The following CFAP97D2 variants were observed in gnomAD, a reference collection of about 807,000 sequenced individuals.
CFAP97D2 encodes uncharacterized protein CFAP97D2.
intron 1 of CFAP97D2, among the ~76,000 whole-genome samples, chr13:114,191,878 A>G (rs1346376166): frequency 1.3e-5 from 2 of 152,206 alleles, no homozygotes; most frequent in Non-Finnish European, 2.9e-5. Context: ...CACCCAGACA[A>G]TGGAATATCA....
intron 1 of CFAP97D2, among the ~76,000 whole-genome samples, chr13:114,194,862 A>G (rs2080880431): frequency 6.6e-6 from 1 of 152,194 alleles, no homozygotes; most frequent in African/African-American, 2.4e-5. Flanking sequence ...ATGTTCTCAA[A>G]TCTTTATCTG....
intron 4 of CFAP97D2, among the ~76,000 whole-genome samples, chr13:114,221,198 C>G (rs9590481): frequency 0.2 from 30,615 of 152,172 alleles, 4,000 homozygotes; most frequent in African/African-American, 0.37. Flanking sequence ...AGTGAGCCGA[C>G]ATCGCGCCAC....
rs1022808172 is a variant in CFAP97D2 at position 114,186,390 on chromosome 13, C to T, written c.90+6970C>T. On this transcript the variant is annotated intron_variant, in intron 1 of 4. Transcript: ENST00000646158. The surrounding 1 kb of genome is among the most constrained non-coding windows in gnomAD (Gnocchi z 4.3). ...TGTTCTATTGTTCAGTAAAGCTCCT[C>T]TTTGTCTTGCTCACCCTCCACTTGT... Among the ~76,000 whole-genome samples the T allele has an allele frequency of 1.3e-5, 2 of 152,220 alleles. No individual in the cohort carries two copies. Among genetic ancestry groups the T allele is most frequent in the Non-Finnish European group, 2.9e-5 (2 of 68,038 alleles).
In CFAP97D2 at chr13:114,222,221, A is replaced by G. The variant is rs950667581; in HGVS notation, c.481-277A>G. On this transcript the variant is annotated intron_variant, in intron 4 of 4. Coordinates refer to ENST00000646158, the Ensembl canonical transcript of CFAP97D2. The surrounding 1 kb of genome is among the most constrained non-coding windows in gnomAD (Gnocchi z 4.4). Reference sequence around the variant, plus strand: ...GAAGGGAAATTGGGGAGTGATCCCAAAGGAGTTTGATTTTTGGAGGGGGAG... The same window carrying G: ...GAAGGGAAATTGGGGAGTGATCCCAGAGGAGTTTGATTTTTGGAGGGGGAG... 3.9e-5 allele frequency among the ~76,000 whole-genome samples: 6 copies of G among 152,176 alleles called. No individual in the cohort carries two copies. The highest frequency in any genetic ancestry group is 1.4e-4 in the African/African-American group (6 of 41,444).
chr13:114,221,934 A>G (rs2081024240), intron 4 of CFAP97D2, among the ~76,000 whole-genome samples: 1 of 152,232 alleles, frequency 6.6e-6, no homozygotes. Flanking sequence ...CACAGTTCAC[A>G]ATGACCAAGA....
rs1393973829 is a variant in CFAP97D2 at position 114,199,118 on chromosome 13, C to T, written c.172-1207C>T. On this transcript the variant is annotated intron_variant, in intron 2 of 4. Coordinates refer to ENST00000646158, the Ensembl canonical transcript of CFAP97D2. ...CCGCTGAGGCGTGACGGCGCGTCCCCGTGGGTACGGTCCCCACTGAGGCGT... is the reference window on the plus strand; with the variant it reads ...CCGCTGAGGCGTGACGGCGCGTCCCTGTGGGTACGGTCCCCACTGAGGCGT... Among the ~76,000 whole-genome samples the T allele has an allele frequency of 1.8e-4, 11 of 60,844 alleles. 1 individual carries two copies. Among genetic ancestry groups the T allele is most frequent in the Non-Finnish European group, 2.6e-4 (9 of 35,004 alleles). The allele number at this position is 60,844 out of a possible 152,430, so 39.9% of individuals were successfully genotyped here.
intron 3 of CFAP97D2, among the ~76,000 whole-genome samples, chr13:114,206,088 A>G (rs2080938694): frequency 6.7e-6 from 1 of 149,442 alleles, no homozygotes; most frequent in African/African-American, 2.5e-5. Flanking sequence ...AAATTACAGT[A>G]GCTTTTTTTC....
At chr13:114,194,215 C>T (rs1470609994) in intron 1 of CFAP97D2, among the ~76,000 whole-genome samples, 2 of 152,152 alleles carry the variant, frequency 1.3e-5, no homozygotes, top group African/African-American at 4.8e-5. Flanking sequence ...TAGGATCATT[C>T]ACTGCTGCTA....
chr13:114,190,898 AAC>A (rs891119993), intron 1 of CFAP97D2, among the ~76,000 whole-genome samples: 2 of 152,224 alleles, frequency 1.3e-5, no homozygotes, highest in Non-Finnish European at 2.9e-5. Flanking sequence ...TATGATCATC[AAC>A]ACAGTGTGGT....
intron 1 of CFAP97D2, among the ~76,000 whole-genome samples, chr13:114,190,648 A>T (rs916901206): frequency 6.6e-6 from 1 of 152,352 alleles, no homozygotes; most frequent in Non-Finnish European, 1.5e-5. Context: ...AAATGGAGAG[A>T]TATTTTATGT....
At chr13:114,210,691 A>T (rs1467109310) in intron 3 of CFAP97D2, among the ~76,000 whole-genome samples, 1 of 151,690 alleles carries the variant, frequency 6.6e-6, no homozygotes, top group Non-Finnish European at 1.5e-5. Flanking sequence ...CCCTGTTGTC[A>T]CTCCTGAGCA....
Position 114,182,242 on chromosome 13 carries a change from A to G in CFAP97D2, c.90+2822A>G, listed in dbSNP as rs191045458. Among the ~76,000 whole-genome samples, 101 of 151,776 alleles carry G rather than the reference A, an allele frequency of 6.7e-4. 1 individual carries two copies. Among genetic ancestry groups the G allele is most frequent in the African/African-American group, 2.0e-3 (81 of 41,328 alleles). On this transcript the variant is annotated intron_variant, in intron 1 of 4. Coordinates refer to ENST00000646158, the Ensembl canonical transcript of CFAP97D2. ...CTATGCCTGGATGTGCACGTAGGCC[A>G]GATTTATGTTTCTCTCCGCCCAAAC...
In CFAP97D2 at chr13:114,211,690, A is replaced by C. The variant is rs2080967053; in HGVS notation, c.291-222A>C. On this transcript the variant is annotated intron_variant, in intron 3 of 4. Transcript: ENST00000646158. This position sits in a 1 kb window ranked among gnomAD's most constrained non-coding sequence, Gnocchi z 4.2. Reference sequence around the variant, plus strand: ...CTGAAAACGCCCCTCCCGCCGTGCAAAGCGAGCGCGCCGGGGCTGAGTGTG... The same window carrying C: ...CTGAAAACGCCCCTCCCGCCGTGCACAGCGAGCGCGCCGGGGCTGAGTGTG... Among the ~76,000 whole-genome samples the C allele has an allele frequency of 6.6e-6, 1 of 152,164 alleles. No individual in the cohort carries two copies. Among genetic ancestry groups the C allele is most frequent in the Non-Finnish European group, 1.5e-5 (1 of 68,026 alleles).
In CFAP97D2 at chr13:114,186,987, A is replaced by T. The variant is rs1468461368; in HGVS notation, c.90+7567A>T. Reference sequence around the variant, plus strand: ...ACCAGCCACAGAGGTTTCCAGCCAGAAAGGCAACACCCTCAAGATTCCCAT... The same window carrying T: ...ACCAGCCACAGAGGTTTCCAGCCAGTAAGGCAACACCCTCAAGATTCCCAT... On this transcript the variant is annotated intron_variant, in intron 1 of 4. Coordinates refer to ENST00000646158, the Ensembl canonical transcript of CFAP97D2. This position sits in a 1 kb window ranked among gnomAD's most constrained non-coding sequence, Gnocchi z 4.3. Among the ~76,000 whole-genome samples, 1 of 152,234 alleles carries T rather than the reference A, an allele frequency of 6.6e-6. No individual in the cohort carries two copies. The highest frequency in any genetic ancestry group is 2.4e-5 in the African/African-American group (1 of 41,462).
At chr13:114,204,368 C>T (rs775103081) in intron 3 of CFAP97D2, among the ~76,000 whole-genome samples, 1 of 152,192 alleles carries the variant, frequency 6.6e-6, no homozygotes, top group Non-Finnish European at 1.5e-5. Flanking sequence ...GCAGACTTGT[C>T]GCTTACCTGC....
intron 1 of CFAP97D2, among the ~76,000 whole-genome samples, chr13:114,180,574 T>C (rs1177243454): frequency 1.3e-5 from 2 of 152,308 alleles, no homozygotes; most frequent in East Asian, 3.9e-4. Context: ...ACGTGATTGA[T>C]GGGCATGTTC....
intron 4 of CFAP97D2, among the ~76,000 whole-genome samples, chr13:114,213,587 C>A (rs1318506501): frequency 6.8e-6 from 1 of 147,140 alleles, no homozygotes; most frequent in Non-Finnish European, 1.5e-5. Context: ...GACCACAGAA[C>A]CCATCCCTGT....
At chr13:114,198,731 GT>G (rs1566613659) in intron 2 of CFAP97D2, among the ~76,000 whole-genome samples, 8 of 78,350 alleles carry the variant, frequency 1.0e-4, no homozygotes, top group Non-Finnish European at 1.3e-4. Context: ...GCGTCCCCGT[GT>G]GTACAGTCCC....
intron 4 of CFAP97D2, chr13:114,212,377 T>A (rs1048512950): frequency 7.4e-6 from 2 of 269,152 alleles, no homozygotes; most frequent in African/African-American, 4.4e-5. Flanking sequence ...AGAGAAAGAT[T>A]TGGTGAAAAT....
Sources: gnomAD v4.1 joint callset for allele counts (sites outside exome capture counted in the v4.1 genomes callset) on GRCh38, gnomAD v4.1.1 for gene constraint, Gnocchi (gnomAD v3.1) non-coding constraint, MANE v1.5 for transcripts, NCBI Gene and HGNC (gene_info 2026-07-23, HGNC 2026-07-21) for gene names.